The following BLOC1S5 variants were observed in gnomAD, a reference collection of about 807,000 sequenced individuals.
BLOC1S5 encodes the protein biogenesis of lysosomal organelles complex 1 subunit 5.
BLOC1S5 carries 27 observed loss-of-function variants against 24.3 expected under a neutral mutation model. That is an observed-to-expected ratio of 1.11 (90% CI 0.82 to 1.53). The LOEUF is 1.53. Among genes scored for constraint, BLOC1S5 ranks in the 40% most tolerant of loss-of-function variants. The probability of loss-of-function intolerance (pLI) is 0.00; values close to 1 mark genes in which losing one functional copy is unlikely to be tolerated. For synonymous variants in BLOC1S5, 84 were observed against 74.5 expected, an observed-to-expected ratio of 1.13 and a Z score of -0.66; for missense variants, 239 against 229.4, an observed-to-expected ratio of 1.04 and a Z score of -0.27.
chr6:8,017,407 C>CACACACACA lies in BLOC1S5; in HGVS notation c.385-1580_385-1579insTGTGTGTGT, dbSNP rs1554136933. Reference sequence around the variant, plus strand: ...ACAAACACACACACACACACACACACCTACAAAGCACCCGAAGTCACTGTT... The same window carrying CACACACACA: ...ACAAACACACACACACACACACACACACACACACACTACAAAGCACCCGAAGTCACTGTT... On this transcript the variant is annotated intron_variant, in intron 4 of 4. Coordinates refer to ENST00000397457, the MANE Select transcript of BLOC1S5 (RefSeq NM_201280.3). Among the ~76,000 whole-genome samples, 455 of 151,708 alleles carry CACACACACA rather than the reference C, an allele frequency of 3.0e-3. 3 individuals are homozygous for CACACACACA. The highest frequency in any genetic ancestry group is 0.01 in the African/African-American group (416 of 41,376).
intron 2 of BLOC1S5, 76 bp from the exon 3 acceptor site, chr6:8,041,344 G>A (rs769771280): frequency 1.5e-5 from 19 of 1,297,624 alleles, no homozygotes; most frequent in East Asian, 2.7e-5. Flanking sequence ...ATGGAGTCTC[G>A]CTCTGTCGCC....
intron 2 of BLOC1S5, among the ~76,000 whole-genome samples, chr6:8,050,601 C>CTTTTTTTTTTTTT (rs35623258): frequency 7.3e-6 from 1 of 137,808 alleles, no homozygotes; most frequent in Non-Finnish European, 1.6e-5. Context: ...GGAAAAGAAA[C>CTTTTTTTTTTTTT]TTTTTTTTTT....
intron 2 of BLOC1S5, among the ~76,000 whole-genome samples, chr6:8,048,335 G>A (rs1483663768): frequency 6.6e-6 from 1 of 152,230 alleles, no homozygotes; most frequent in Non-Finnish European, 1.5e-5. Context: ...CCACTGGGAT[G>A]TAGAAATGGA....
intron 2 of BLOC1S5, among the ~76,000 whole-genome samples, chr6:8,055,095 C>T (rs2113598202): frequency 6.6e-6 from 1 of 152,196 alleles, no homozygotes; most frequent in East Asian, 1.9e-4. Context: ...ATCGTTCTTT[C>T]CTTGCTTCTA....
intron 3 of BLOC1S5, among the ~76,000 whole-genome samples, chr6:8,031,808 A>G (rs1219579560): frequency 6.6e-6 from 1 of 152,226 alleles, no homozygotes; most frequent in East Asian, 1.9e-4. Flanking sequence ...ACCCAAAAAG[A>G]AAGCCAAATA....
At chr6:8,041,322 T>TTTC in intron 2 of BLOC1S5, 54 bp from the exon 3 acceptor site, 2 of 1,502,624 alleles carry the variant, frequency 1.3e-6, no homozygotes, top group African/African-American at 3.0e-5. Context: ...CTTTTTTTTT[T>TTTC]TTTTTTTTGA....
At chr6:8,025,891 A>C (rs1293546108) in intron 4 of BLOC1S5, among the ~76,000 whole-genome samples, 12 of 152,242 alleles carry the variant, frequency 7.9e-5, no homozygotes, top group African/African-American at 2.9e-4. Context: ...ATTTTTCCAC[A>C]TCTGAATTTA....
intron 2 of BLOC1S5, among the ~76,000 whole-genome samples, chr6:8,045,717 G>T (rs545722114): frequency 6.6e-6 from 1 of 152,282 alleles, no homozygotes; most frequent in South Asian, 2.1e-4. Context: ...AAATTTGATT[G>T]CCCCACTGGA....
At chr6:8,026,453 GTCAGCAGACCATGTTC>G in intron 3 of BLOC1S5, 28 bp from the exon 4 acceptor site, 4 of 1,587,310 alleles carry the variant, frequency 2.5e-6, no homozygotes, top group Non-Finnish European at 3.5e-6. Flanking sequence ...TGGGTTTTCA[GTCAGCAGACCATGTTC>G]AAGGAAACAC....
chr6:8,015,338 C>T lies in BLOC1S5; in HGVS notation c.*311G>A, dbSNP rs1762696023. 3.9e-6 allele frequency: 1 copy of T among 254,418 alleles called. No individual in the cohort carries two copies. The highest frequency in any genetic ancestry group is 2.2e-5 in the African/African-American group (1 of 44,910). 15.8% of individuals were successfully genotyped at this position (254,418 alleles called of 1,614,324 possible). A position where few individuals can be genotyped will look rare whatever the true frequency, so the allele number is the denominator to read the frequency against. ...AAATTATCTTTCTAAGAAGTCTATA[C>T]CTACAGTTCTCTGAGCTAATCAATG... On this transcript the variant is annotated 3_prime_UTR_variant, in exon 5 of 5. Coordinates refer to ENST00000397457, the MANE Select transcript of BLOC1S5 (RefSeq NM_201280.3).
intron 2 of BLOC1S5, among the ~76,000 whole-genome samples, chr6:8,055,705 T>C (rs993594845): frequency 6.6e-6 from 1 of 152,130 alleles, no homozygotes; most frequent in Non-Finnish European, 1.5e-5. Flanking sequence ...GTGTAAAACA[T>C]TATTGTGAAA....
chr6:8,019,559 G>A (rs549035056), intron 4 of BLOC1S5, among the ~76,000 whole-genome samples: 80 of 149,260 alleles, frequency 5.4e-4, no homozygotes, highest in Non-Finnish European at 8.8e-4. Flanking sequence ...ATGAGCCACC[G>A]GCGCCCGGCC....
At chr6:8,038,418 C>T (rs1477973457) in intron 3 of BLOC1S5, among the ~76,000 whole-genome samples, 1 of 152,160 alleles carries the variant, frequency 6.6e-6, no homozygotes, top group Non-Finnish European at 1.5e-5. Context: ...CCCAAGATCA[C>T]TAATTATCAG....
chr6:8,030,632 G>A (rs143128384), intron 3 of BLOC1S5, among the ~76,000 whole-genome samples: 1,657 of 151,208 alleles, frequency 0.011, 30 homozygotes, highest in African/African-American at 0.038. Context: ...AACACTTTGG[G>A]ATGCCAAGGC....
intron 3 of BLOC1S5, among the ~76,000 whole-genome samples, chr6:8,029,654 G>C (rs905909135): frequency 1.3e-5 from 2 of 152,296 alleles, no homozygotes; most frequent in East Asian, 1.9e-4. Flanking sequence ...CACTGCACGA[G>C]GTTCGTTCCC....
chr6:8,037,049 G>A (rs192152660), intron 3 of BLOC1S5, among the ~76,000 whole-genome samples: 2 of 152,276 alleles, frequency 1.3e-5, no homozygotes, highest in Admixed American at 1.3e-4. Flanking sequence ...GAAAAATTGA[G>A]AGCCTTTCCT....
chr6:8,015,940 A>C (rs1336144160), intron 4 of BLOC1S5, 112 bp from the exon 5 acceptor site: 2 of 981,878 alleles, frequency 2.0e-6, no homozygotes, highest in Non-Finnish European at 1.5e-6. Context: ...ACAAGGAAAA[A>C]GTTGTGTTAT....
intron 1 of BLOC1S5, 106 bp downstream of exon 1, chr6:8,064,159 C>G (rs1757365198): frequency 1.1e-6 from 1 of 938,398 alleles, no homozygotes; most frequent in Admixed American, 3.8e-5. Flanking sequence ...CACAAACGCA[C>G]GCGCGCCAGC....
At chr6:8,057,041 A>C (rs1764334294) in intron 2 of BLOC1S5, among the ~76,000 whole-genome samples, 1 of 152,152 alleles carries the variant, frequency 6.6e-6, no homozygotes, top group African/African-American at 2.4e-5. Context: ...ACATGGTGAA[A>C]CCCTGTTCTC....
Sources: allele counts gnomAD v4.1 joint callset (sites outside exome capture counted in the v4.1 genomes callset), GRCh38; gene constraint gnomAD v4.1.1; transcripts MANE v1.5; gene names NCBI Gene and HGNC (gene_info 2026-07-23, HGNC 2026-07-21).